The following TASP1 variants were observed in gnomAD, a reference collection of about 807,000 sequenced individuals.
TASP1 encodes threonine aspartase 1.
A neutral mutation model predicts 56.6 loss-of-function variants in TASP1; 16 were observed. That is an observed-to-expected ratio of 0.28 (90% CI 0.19 to 0.43). The LOEUF (loss-of-function observed/expected upper bound fraction) is 0.43, where lower values mean the gene tolerates loss of function less well. TASP1 is among the 20% of genes least tolerant of loss of function. The pLI is 1.00. For missense variants in TASP1, 393 were observed against 511.6 expected (o/e 0.77, Z 2.24); for synonymous variants, 179 against 184.2 (o/e 0.97, Z 0.23).
chr20:13,597,413 T>C (rs2047779153), intron 4 of TASP1, among the ~76,000 whole-genome samples: 1 of 151,966 alleles, frequency 6.6e-6, no homozygotes, highest in African/African-American at 2.4e-5. Context: ...ATCACATAAA[T>C]AGAACCAACA....
chr20:13,624,850 C>T (rs535632854), intron 3 of TASP1, among the ~76,000 whole-genome samples: 1 of 152,134 alleles, frequency 6.6e-6, no homozygotes, highest in South Asian at 2.1e-4. Context: ...TTTTTCCCTT[C>T]ATGGAAAAAC....
chr20:13,409,294 G>C (rs530225470), intron 13 of TASP1, among the ~76,000 whole-genome samples: 1 of 151,796 alleles, frequency 6.6e-6, no homozygotes, highest in Non-Finnish European at 1.5e-5. Flanking sequence ...TTTTATTCAA[G>C]TCATTTACTA....
In TASP1 at chr20:13,598,657, G is replaced by C. The variant is rs1294498736; in HGVS notation, c.283-11287C>G. Reference sequence around the variant, plus strand: ...TCATAACTAAAACACCAAAAGCAATGGCAACAAAAGCCAAAATAGACAAAT... The same window carrying C: ...TCATAACTAAAACACCAAAAGCAATCGCAACAAAAGCCAAAATAGACAAAT... On this transcript the variant is annotated intron_variant, in intron 4 of 13. Coordinates refer to ENST00000337743, the MANE Select transcript of TASP1 (RefSeq NM_017714.3). Among the ~76,000 whole-genome samples the C allele has an allele frequency of 4.6e-5, 7 of 152,138 alleles. No individual in the cohort carries two copies. The East Asian group carries it at 9.7e-4, about 21-fold the overall frequency.
At chr20:13,508,590 A>G (rs2044214144) in intron 10 of TASP1, among the ~76,000 whole-genome samples, 1 of 152,230 alleles carries the variant, frequency 6.6e-6, no homozygotes, top group Admixed American at 6.5e-5. Context: ...TCTGTAGCCA[A>G]TAAGGGATTA....
At chr20:13,221,644 A>C in the TASP1 span, 1 of 699,824 alleles carries the variant, frequency 1.4e-6, no homozygotes, top group Non-Finnish European at 1.9e-6. Context: ...CGGGCCCGGG[A>C]AGCGGAGCCC....
At chr20:13,581,797 G>A (rs896035044) in intron 5 of TASP1, among the ~76,000 whole-genome samples, 1 of 152,072 alleles carries the variant, frequency 6.6e-6, no homozygotes, top group Admixed American at 6.6e-5. Flanking sequence ...TAAATCTATC[G>A]GATGAGTTAG....
the TASP1 span, among the ~76,000 whole-genome samples, chr20:13,185,182 A>G: frequency 7.9e-5 from 12 of 152,296 alleles, no homozygotes; most frequent in Admixed American, 7.9e-4. Flanking sequence ...GAGTAAATCC[A>G]TAATAAAGCA....
the TASP1 span, among the ~76,000 whole-genome samples, chr20:13,236,251 A>C: frequency 0.021 from 3,156 of 152,262 alleles, 48 homozygotes; most frequent in Middle Eastern, 0.031. Context: ...GGACCTGCTC[A>C]GAGTTACAAT....
At chr20:13,614,899 T>C in intron 4 of TASP1, 1 of 454,808 alleles carries the variant, frequency 2.2e-6, no homozygotes, top group African/African-American at 2.0e-5. Context: ...AAGACAAATG[T>C]AGCTGTTTCT....
intron 4 of TASP1, among the ~76,000 whole-genome samples, chr20:13,593,626 C>T (rs1342344097): frequency 6.6e-6 from 1 of 152,180 alleles, no homozygotes; most frequent in African/African-American, 2.4e-5. Flanking sequence ...GATCAACCTG[C>T]GAGGCTGCAG....
At chr20:13,376,015 T>C in the TASP1 span, among the ~76,000 whole-genome samples, 2 of 151,874 alleles carry the variant, frequency 1.3e-5, no homozygotes, top group African/African-American at 4.8e-5. Flanking sequence ...TTTTCTCCCA[T>C]TCTGTAGGTT....
chr20:13,335,688 GA>G, the TASP1 span, among the ~76,000 whole-genome samples: 131 of 148,648 alleles, frequency 8.8e-4, no homozygotes, highest in Admixed American at 5.2e-3. Flanking sequence ...GAACACAGAG[GA>G]AAAAAAAAGA....
At chr20:13,487,317 C>A (rs1264474486) in intron 10 of TASP1, among the ~76,000 whole-genome samples, 1 of 152,178 alleles carries the variant, frequency 6.6e-6, no homozygotes, top group African/African-American at 2.4e-5. Context: ...TATTGTCAGA[C>A]CTCCCCAACA....
At chr20:13,243,004 G>A in the TASP1 span, among the ~76,000 whole-genome samples, 2 of 152,156 alleles carry the variant, frequency 1.3e-5, no homozygotes, top group Admixed American at 1.3e-4. Flanking sequence ...TACACAATAA[G>A]GTTAAGTACC....
intron 4 of TASP1, among the ~76,000 whole-genome samples, chr20:13,612,503 C>T (rs1276237337): frequency 2.6e-5 from 4 of 151,444 alleles, no homozygotes; most frequent in Admixed American, 2.6e-4. Flanking sequence ...CACACACACA[C>T]ACACACACAC....
intron 12 of TASP1, among the ~76,000 whole-genome samples, chr20:13,425,620 C>T (rs1388157609): frequency 1.3e-4 from 20 of 152,124 alleles, no homozygotes. Context: ...AAGTTAGCTG[C>T]CACTCTTGAG....
the TASP1 span, among the ~76,000 whole-genome samples, chr20:13,253,875 ATATGTG>A: frequency 1.7e-4 from 17 of 100,096 alleles, no homozygotes; most frequent in Admixed American, 1.6e-3. Flanking sequence ...ATATATATAT[ATATGTG>A]TGTGTGTATG....
chr20:13,515,299 C>T (rs2044480072), intron 10 of TASP1, among the ~76,000 whole-genome samples: 1 of 151,970 alleles, frequency 6.6e-6, no homozygotes, highest in Non-Finnish European at 1.5e-5. Flanking sequence ...AGAATATACA[C>T]CAGATCATCT....
chr20:13,361,905 C>T, the TASP1 span, among the ~76,000 whole-genome samples: 1 of 152,118 alleles, frequency 6.6e-6, no homozygotes, highest in Non-Finnish European at 1.5e-5. Context: ...TATCCTGAGT[C>T]ATCCCAGTTC....
Sources: gnomAD v4.1 joint callset for allele counts (sites outside exome capture counted in the v4.1 genomes callset) on GRCh38, gnomAD v4.1.1 for gene constraint, MANE v1.5 for transcripts, NCBI Gene and HGNC (gene_info 2026-07-23, HGNC 2026-07-21) for gene names.